The following LRRC74B variants were observed in gnomAD, a reference collection of about 807,000 sequenced individuals.
LRRC74B encodes the protein leucine rich repeat containing 74B, also known as leucine-rich repeat-containing protein 74B.
In LRRC74B, 30 loss-of-function variants were observed where a neutral mutation model predicts 16.6. That is an observed-to-expected ratio of 1.80 (90% confidence interval 1.35 to 2.45). The LOEUF is 2.45. Among genes scored for constraint, LRRC74B ranks in the 30% most tolerant of loss-of-function variants. The pLI, the probability that LRRC74B is intolerant of heterozygous loss-of-function variation, is 0.00. For missense variants in LRRC74B, 326 were observed against 202.4 expected (o/e 1.61, Z -3.71); for synonymous variants, 134 against 86.0 (o/e 1.56, Z -3.09).
At chr22:21,058,599 C>G (rs374475731) in intron 8 of LRRC74B, among the ~76,000 whole-genome samples, 1,642 of 152,200 alleles carry the variant, frequency 0.011, 8 homozygotes, top group Middle Eastern at 0.024. Context: ...AGACTTGAGT[C>G]AAAGCCTTTC....
At chr22:21,046,592 G>T (rs1266743600) in intron 1 of LRRC74B, among the ~76,000 whole-genome samples, 3 of 151,696 alleles carry the variant, frequency 2.0e-5, no homozygotes, top group Non-Finnish European at 2.9e-5. Context: ...AACAACATTG[G>T]GTTGCTTGGG....
intron 1 of LRRC74B, among the ~76,000 whole-genome samples, chr22:21,046,440 A>G (rs2148129196): frequency 6.7e-6 from 1 of 148,966 alleles, no homozygotes; most frequent in East Asian, 1.9e-4. Context: ...AATGTTTACA[A>G]AACATTTGTG....
intron 1 of LRRC74B, 94 bp from the exon 2 acceptor site, chr22:21,047,262 G>A (rs976446027): frequency 1.1e-5 from 7 of 637,482 alleles, no homozygotes; most frequent in Non-Finnish European, 1.5e-5. Flanking sequence ...GCTTCTAGAG[G>A]CAAAACATAG....
At chr22:21,048,316 G>GA in intron 3 of LRRC74B, 1 of 399,194 alleles carries the variant, frequency 2.5e-6, no homozygotes, top group Non-Finnish European at 4.7e-6. Flanking sequence ...TGCAGGATGG[G>GA]AGAGTCCTTC....
chr22:21,048,025 TG>T lies in LRRC74B; in HGVS notation c.415+12del, dbSNP rs898164858. 8.4e-6 allele frequency: 6 copies of T among 716,986 alleles called. No individual in the cohort carries two copies. Among genetic ancestry groups the T allele is most frequent in the African/African-American group, 7.0e-5 (4 of 57,168 alleles). The allele number at this position is 716,986 out of a possible 1,614,324, so 44.4% of individuals were successfully genotyped here. A position where few individuals can be genotyped will look rare whatever the true frequency, so the allele number is the denominator to read the frequency against. ...AAGCAGCAGCATCCATGGTAGGTGCTGGGTCTGGGGCAGGTGGGCAGGCGTG... is the reference window on the plus strand; with the variant it reads ...AAGCAGCAGCATCCATGGTAGGTGCTGGTCTGGGGCAGGTGGGCAGGCGTG... On this transcript the variant is annotated intron_variant, in intron 3 of 8. Coordinates refer to ENST00000442047, the Ensembl canonical transcript of LRRC74B.
At chr22:21,052,133 G>A (rs1426228297) in intron 4 of LRRC74B, 116 bp from the exon 5 acceptor site, 3 of 673,680 alleles carry the variant, frequency 4.5e-6, no homozygotes. Context: ...GCCCACATTA[G>A]TTTCATGTCT....
chr22:21,047,894 C>T, exon 3 of LRRC74B: 1 of 717,366 alleles, frequency 1.4e-6, no homozygotes, highest in Non-Finnish European at 2.6e-6. Context: ...GGCGCCCGGG[C>T]TCTGGCTTCC....
chr22:21,052,630 C>T (rs1010214561), intron 5 of LRRC74B, among the ~76,000 whole-genome samples: 3 of 147,946 alleles, frequency 2.0e-5, no homozygotes, highest in Non-Finnish European at 3.0e-5. Flanking sequence ...GAAGGGACAT[C>T]TGTGCAGTCT....
At chr22:21,049,647 C>T (rs1372079437) in intron 4 of LRRC74B, among the ~76,000 whole-genome samples, 13 of 151,610 alleles carry the variant, frequency 8.6e-5, no homozygotes, top group South Asian at 8.4e-4. Flanking sequence ...AGTGAGCATG[C>T]GGGCCTGTTT....
exon 3 of LRRC74B, chr22:21,047,916 C>A (rs1929615109): frequency 2.8e-6 from 2 of 717,382 alleles, no homozygotes; most frequent in Non-Finnish European, 5.2e-6. Flanking sequence ...CATTGAGCTC[C>A]AATCCATATG....
downstream of LRRC74B, chr22:21,062,773 A>G (rs1330587678): frequency 6.6e-6 from 1 of 151,596 alleles, no homozygotes; most frequent in African/African-American, 2.4e-5. Context: ...CATGCTTATA[A>G]TCCCAGAAAT....
chr22:21,050,256 C>T (rs556988534), intron 4 of LRRC74B, among the ~76,000 whole-genome samples: 275 of 151,980 alleles, frequency 1.8e-3, no homozygotes, highest in African/African-American at 6.3e-3. Context: ...AGGCTGGTCT[C>T]GAACTCCTGA....
intron 7 of LRRC74B, 147 bp from the exon 8 acceptor site, chr22:21,056,954 TCTGA>T (rs1488367274): frequency 1.7e-5 from 10 of 599,762 alleles, no homozygotes; most frequent in Middle Eastern, 4.4e-4. Context: ...GAGCATTCTG[TCTGA>T]CTATCTGATG....
chr22:21,054,164 C>T (rs115666118), intron 6 of LRRC74B, among the ~76,000 whole-genome samples: 12 of 152,118 alleles, frequency 7.9e-5, no homozygotes, highest in Non-Finnish European at 4.4e-5. Context: ...CATCTCTATG[C>T]GAAATCTAAA....
exon 3 of LRRC74B, chr22:21,047,940 C>T (rs781516068): frequency 1.5e-5 from 11 of 717,272 alleles, no homozygotes; most frequent in South Asian, 1.5e-4. Flanking sequence ...AGCGGCTGGA[C>T]CTTCGAGACA....
chr22:21,051,155 A>G (rs1269511709), intron 4 of LRRC74B, among the ~76,000 whole-genome samples: 1 of 152,114 alleles, frequency 6.6e-6, no homozygotes, highest in Non-Finnish European at 1.5e-5. Flanking sequence ...GTGTCTTAAC[A>G]ACAACAAAAA....
chr22:21,052,475 C>T (rs991912631), intron 5 of LRRC74B, 117 bp downstream of exon 5: 37 of 647,616 alleles, frequency 5.7e-5, no homozygotes, highest in African/African-American at 9.1e-5. Context: ...TTAAGCACAG[C>T]TTAAAGACTG....
chr22:21,056,596 GCACACA>G (rs747195504), intron 7 of LRRC74B: 8,145 of 140,188 alleles, frequency 0.058, 261 homozygotes, highest in Middle Eastern at 0.12. Context: ...CAAGCTTGGA[GCACACA>G]CACACACACA....
At chr22:21,048,173 A>G (rs1929652270) in intron 3 of LRRC74B, 157 bp downstream of exon 3, 2 of 634,566 alleles carry the variant, frequency 3.2e-6, no homozygotes, top group South Asian at 3.5e-5. Flanking sequence ...TGTGGGGTGG[A>G]GTTAGACCCT....
Sources: allele counts gnomAD v4.1 joint callset (sites outside exome capture counted in the v4.1 genomes callset), GRCh38; gene constraint gnomAD v4.1.1; transcripts MANE v1.5; gene names NCBI Gene and HGNC (gene_info 2026-07-23, HGNC 2026-07-21).